The following TMEM131L variants were observed in gnomAD, a reference collection of about 807,000 sequenced individuals.
The protein encoded by TMEM131L is transmembrane protein 131-like.
TMEM131L carries 54 observed loss-of-function variants against 192.2 expected under a neutral mutation model. The observed-to-expected ratio is 0.28, with a 90% CI of 0.23 to 0.35. The LOEUF (loss-of-function observed/expected upper bound fraction) is 0.35. TMEM131L is among the 10% of genes least tolerant of loss of function. The pLI is 1.00. For synonymous variants in TMEM131L, 701 were observed against 704.9 expected (o/e 0.99, Z 0.09); for missense variants, 1,888 against 1,972.9 (o/e 0.96, Z 0.82).
chr4:153,627,754 T>A, intron 31 of TMEM131L, 67 bp downstream of exon 31: 1 of 1,374,908 alleles, frequency 7.3e-7, no homozygotes, highest in Non-Finnish European at 1.0e-6. Context: ...TCCTGGCTGA[T>A]GAGTTTGAGA....
At chr4:153,605,458 C>T (rs1386081556) in intron 25 of TMEM131L, among the ~76,000 whole-genome samples, 1 of 152,262 alleles carries the variant, frequency 6.6e-6, no homozygotes, top group African/African-American at 2.4e-5. Flanking sequence ...ACCTCCACCT[C>T]CGGGGCTCAA....
intron 31 of TMEM131L, 101 bp from the exon 32 acceptor site, chr4:153,632,617 G>A (rs550334431): frequency 8.5e-4 from 1,131 of 1,329,244 alleles, no homozygotes; most frequent in Non-Finnish European, 1.1e-3. Context: ...ATGTGTGGGT[G>A]ACATTAGGGA....
chr4:153,518,529 A>C (rs1301418715), intron 3 of TMEM131L, among the ~76,000 whole-genome samples: 2 of 151,014 alleles, frequency 1.3e-5, no homozygotes, highest in African/African-American at 4.8e-5. Flanking sequence ...TCTCAGCACA[A>C]AATCACTGGA....
chr4:153,504,580 G>T (rs1409506582), intron 3 of TMEM131L, among the ~76,000 whole-genome samples: 2 of 152,088 alleles, frequency 1.3e-5, no homozygotes, highest in Non-Finnish European at 2.9e-5. Context: ...GAGCCACCGT[G>T]TCTGGCCACT....
intron 3 of TMEM131L, among the ~76,000 whole-genome samples, chr4:153,540,701 T>A (rs1736710479): frequency 6.6e-6 from 1 of 152,258 alleles, no homozygotes; most frequent in Non-Finnish European, 1.5e-5. Flanking sequence ...TAAAGTGTTA[T>A]AGATGAGCTT....
At chr4:153,546,290 T>A (rs1431046858) in intron 3 of TMEM131L, among the ~76,000 whole-genome samples, 1 of 151,844 alleles carries the variant, frequency 6.6e-6, no homozygotes, top group African/African-American at 2.4e-5. Flanking sequence ...AAATTTATCA[T>A]TGATTTCTAC....
Position 153,636,699 on chromosome 4 carries a change from T to C in TMEM131L, c.*123T>C, listed in dbSNP as rs1046884560. 3 of 941,938 alleles carry C rather than the reference T, an allele frequency of 3.2e-6. No homozygotes were observed. Among genetic ancestry groups the C allele is most frequent in the East Asian group, 2.6e-5 (1 of 37,776 alleles). 58.3% of individuals were successfully genotyped at this position (941,938 alleles called of 1,614,324 possible). A position where few individuals can be genotyped will look rare whatever the true frequency, so the allele number is the denominator to read the frequency against. On this transcript the variant is annotated 3_prime_UTR_variant, in exon 35 of 35. Transcript: ENST00000409959. Reference sequence around the variant, plus strand: ...TTTGGCACTTTTATATGAAAATAAATTTTTTAATGAAATCTGGGTGCTCTG... The same window carrying C: ...TTTGGCACTTTTATATGAAAATAAACTTTTTAATGAAATCTGGGTGCTCTG...
At chr4:153,524,428 A>G (rs1735339875) in intron 3 of TMEM131L, among the ~76,000 whole-genome samples, 1 of 152,244 alleles carries the variant, frequency 6.6e-6, no homozygotes, top group Admixed American at 6.5e-5. Flanking sequence ...ATAGTTGCTA[A>G]TATCAAGGAC....
rs1735862377 is a variant in TMEM131L, at chr4:153,531,063, A to AGT, written c.240-19007_240-19006dup. Among the ~76,000 whole-genome samples the AGT allele has an allele frequency of 4.6e-5, 7 of 152,360 alleles. No homozygotes were observed. The South Asian group carries it at 1.4e-3, about 32-fold the overall frequency. On this transcript the variant is annotated intron_variant, in intron 3 of 34. Coordinates refer to ENST00000409959, the MANE Select transcript of TMEM131L (RefSeq NM_001131007.2). ...GGGAATGAGCTGCATTGGAAACAGA[A>AGT]GTGTCACTGCAAGTATCCTGGAATG...
intron 3 of TMEM131L, among the ~76,000 whole-genome samples, chr4:153,503,997 T>C (rs968989973): frequency 4.6e-5 from 7 of 152,238 alleles, no homozygotes; most frequent in South Asian, 2.1e-4. Flanking sequence ...GATGGAGTCT[T>C]GCTCTGTCGC....
intron 1 of TMEM131L, among the ~76,000 whole-genome samples, chr4:153,466,987 C>T (rs1046004265): frequency 6.6e-6 from 1 of 152,190 alleles, no homozygotes; most frequent in African/African-American, 2.4e-5. Context: ...ACGAGCACCC[C>T]GAGCCTGCCT....
chr4:153,521,857 T>C (rs1246601640), intron 3 of TMEM131L, among the ~76,000 whole-genome samples: 1 of 116,684 alleles, frequency 8.6e-6, no homozygotes, highest in African/African-American at 3.5e-5. Context: ...GCATGTGTTT[T>C]CTGTGTTTTT....
intron 3 of TMEM131L, among the ~76,000 whole-genome samples, chr4:153,508,228 GATAGACTTTTTA>G (rs1270972278): frequency 5.9e-5 from 9 of 152,298 alleles, no homozygotes; most frequent in Admixed American, 2.0e-4. Flanking sequence ...TAGGAAGGCA[GATAGACTTTTTA>G]ATTTATACCC....
chr4:153,545,497 C>G (rs573237798), intron 3 of TMEM131L, among the ~76,000 whole-genome samples: 1 of 152,170 alleles, frequency 6.6e-6, no homozygotes, highest in African/African-American at 2.4e-5. Context: ...CCGTGTTAGT[C>G]AAGATGGTCT....
In TMEM131L at chr4:153,589,044, G is replaced by A. The variant is rs560521518; in HGVS notation, c.1670+37G>A. On this transcript the variant is annotated intron_variant, in intron 16 of 34. Transcript: ENST00000409959. ...CTGTCTTCTTTTTTGTTCGGTGGTG[G>A]GGAGACACTGTTACAGTAGTCCCTC... The A allele has an allele frequency of 1.6e-4, 175 of 1,106,758 alleles. 1 individual carries two copies. In the South Asian group the frequency reaches 1.9e-3, roughly 12 times the overall value. The allele number at this position is 1,106,758 out of a possible 1,614,324, so 68.6% of individuals were successfully genotyped here.
chr4:153,595,515 C>A (rs1731367393), intron 19 of TMEM131L, among the ~76,000 whole-genome samples: 1 of 151,858 alleles, frequency 6.6e-6, no homozygotes, highest in Admixed American at 6.6e-5. Flanking sequence ...CTAGCAATAA[C>A]TGAAACATAA....
At chr4:153,473,042 C>T (rs1053333105) in intron 2 of TMEM131L, among the ~76,000 whole-genome samples, 1 of 152,188 alleles carries the variant, frequency 6.6e-6, no homozygotes, top group Non-Finnish European at 1.5e-5. Context: ...AGCATTTTCC[C>T]TCGGACATTT....
chr4:153,524,133 T>G (rs1466075770), intron 3 of TMEM131L, among the ~76,000 whole-genome samples: 11 of 68,786 alleles, frequency 1.6e-4, no homozygotes, highest in Admixed American at 7.6e-4. Flanking sequence ...TCACTTCTGT[T>G]TTTTTTTTTT....
At chr4:153,569,117 A>C (rs542882918) in intron 7 of TMEM131L, among the ~76,000 whole-genome samples, 1 of 152,344 alleles carries the variant, frequency 6.6e-6, no homozygotes, top group East Asian at 1.9e-4. Context: ...CTTGACCTCC[A>C]AGGAGAGAGG....
Sources: allele counts gnomAD v4.1 joint callset (sites outside exome capture counted in the v4.1 genomes callset), GRCh38; gene constraint gnomAD v4.1.1; transcripts MANE v1.5; gene names NCBI Gene and HGNC (gene_info 2026-07-23, HGNC 2026-07-21).